The following ETV6 variants were observed in gnomAD, a reference collection of about 807,000 sequenced individuals.
The protein encoded by ETV6 is transcription factor ETV6.
A neutral mutation model predicts 51.1 loss-of-function variants in ETV6; 16 were observed. The observed-to-expected ratio is 0.31, with a 90% CI of 0.21 to 0.48. The LOEUF (loss-of-function observed/expected upper bound fraction) is 0.48. Among genes scored for constraint, ETV6 ranks in the 20% least tolerant of loss-of-function variants. The pLI, the probability that ETV6 is intolerant of heterozygous loss-of-function variation, is 0.99. For missense variants in ETV6, 458 were observed against 594.8 expected (o/e 0.77, Z 2.39); for synonymous variants, 240 against 224.1 (o/e 1.07, Z -0.64).
At chr12:11,866,120 C>T (rs1011311373) in intron 4 of ETV6, among the ~76,000 whole-genome samples, 14 of 152,108 alleles carry the variant, frequency 9.2e-5, no homozygotes, top group African/African-American at 2.2e-4. Flanking sequence ...CTCTCATCTC[C>T]GTTCTGCTAT....
At chr12:11,809,670 C>T (rs185468415) in intron 2 of ETV6, among the ~76,000 whole-genome samples, 61 of 152,222 alleles carry the variant, frequency 4.0e-4, no homozygotes, top group African/African-American at 1.3e-3. Flanking sequence ...ATCCTTTTTT[C>T]GGCTGAGAGG....
chr12:11,885,854 C>T, intron 6 of ETV6, 72 bp from the exon 7 acceptor site: 1 of 1,099,804 alleles, frequency 9.1e-7, no homozygotes, highest in Non-Finnish European at 1.4e-6. Context: ...ATAGCTCCCG[C>T]AGTGCCTTTT....
chr12:11,881,400 G>T (rs1947090875), intron 5 of ETV6, among the ~76,000 whole-genome samples: 1 of 152,234 alleles, frequency 6.6e-6, no homozygotes, highest in African/African-American at 2.4e-5. Flanking sequence ...TCCTTTTGGG[G>T]CTGCTCTGAC....
At chr12:11,866,633 T>C (rs1375160987) in intron 4 of ETV6, among the ~76,000 whole-genome samples, 1 of 152,236 alleles carries the variant, frequency 6.6e-6, no homozygotes, top group Non-Finnish European at 1.5e-5. Context: ...TACTCCTACA[T>C]TGTGGCCATT....
intron 2 of ETV6, among the ~76,000 whole-genome samples, chr12:11,770,577 A>T (rs567635904): frequency 7.2e-5 from 11 of 152,164 alleles, no homozygotes; most frequent in Non-Finnish European, 1.3e-4. Flanking sequence ...TTGTTTTGTT[A>T]GGCCCTTCCT....
Position 11,649,783 on chromosome 12 carries a change from G to C in ETV6, c.-345G>C, listed in dbSNP as rs1863853094. 1 of 145,362 alleles carries C rather than the reference G, an allele frequency of 6.9e-6. No individual in the cohort carries two copies. Among genetic ancestry groups the C allele is most frequent in the Non-Finnish European group, 1.5e-5 (1 of 65,278 alleles). The allele number at this position is 145,362 out of a possible 1,614,324, so 9.0% of individuals were successfully genotyped here. On this transcript the variant is annotated 5_prime_UTR_variant, in exon 1 of 8. Coordinates refer to ENST00000396373, the MANE Select transcript of ETV6 (RefSeq NM_001987.5). ...GGAAAACATTCGAGAGAGCGAGGGA[G>C]AGCCGCGGGAGGGCGGGGGGCGGGG...
intron 2 of ETV6, among the ~76,000 whole-genome samples, chr12:11,758,846 G>A (rs900937008): frequency 6.6e-5 from 10 of 152,150 alleles, no homozygotes; most frequent in South Asian, 2.1e-4. Context: ...TAACAAAGCC[G>A]ACCAGCCACT....
At chr12:11,873,467 A>G (rs1325456258) in intron 5 of ETV6, among the ~76,000 whole-genome samples, 1 of 116,134 alleles carries the variant, frequency 8.6e-6, no homozygotes, top group East Asian at 5.4e-4. Context: ...AAAAGCCTTT[A>G]AATCTCCGTA....
At chr12:11,730,256 G>A (rs951865661) in intron 1 of ETV6, among the ~76,000 whole-genome samples, 1 of 152,200 alleles carries the variant, frequency 6.6e-6, no homozygotes, top group African/African-American at 2.4e-5. Flanking sequence ...GCCTTTGTAG[G>A]CCTCTGGGAT....
chr12:11,775,409 G>T (rs1328448066), intron 2 of ETV6, among the ~76,000 whole-genome samples: 1 of 152,186 alleles, frequency 6.6e-6, no homozygotes, highest in Non-Finnish European at 1.5e-5. Context: ...GAGTGCTGGG[G>T]TTAAACCATA....
chr12:11,675,828 A>G (rs758285296), intron 1 of ETV6, among the ~76,000 whole-genome samples: 4 of 151,966 alleles, frequency 2.6e-5, no homozygotes, highest in Non-Finnish European at 5.9e-5. Context: ...ACAAAAAGGA[A>G]GGAAGGAAAG....
In ETV6 at chr12:11,894,117, A is replaced by G. The variant is rs1486738231; in HGVS notation, c.*3071A>G. Reference sequence around the variant, plus strand: ...CAAACCTTGATGAAGCACCTGCTGGACACTGAGGGACCCAAAGCTCAATCA... The same window carrying G: ...CAAACCTTGATGAAGCACCTGCTGGGCACTGAGGGACCCAAAGCTCAATCA... On this transcript the variant is annotated 3_prime_UTR_variant, in exon 8 of 8. Coordinates refer to ENST00000396373, the MANE Select transcript of ETV6 (RefSeq NM_001987.5). 1.3e-5 allele frequency: 3 copies of G among 230,446 alleles called. No individual in the cohort carries two copies. The allele number at this position is 230,446 out of a possible 1,614,324, so 14.3% of individuals were successfully genotyped here.
intron 2 of ETV6, among the ~76,000 whole-genome samples, chr12:11,800,755 G>A (rs1591683049): frequency 6.6e-6 from 1 of 152,078 alleles, no homozygotes; most frequent in Non-Finnish European, 1.5e-5. Context: ...CCAGAAAGGG[G>A]GACCAGTTAC....
In ETV6 at chr12:11,663,809, T is replaced by G. The variant is rs2541128; in HGVS notation, c.33+13649T>G. On this transcript the variant is annotated intron_variant, in intron 1 of 7. Coordinates refer to ENST00000396373, the MANE Select transcript of ETV6 (RefSeq NM_001987.5). ...TGTGTGTCTTGTCTGTCTTCAGTGG[T>G]GAACTGAAAAAATAAAGTGTTGTTT... is the stretch of plus-strand genomic sequence containing the variant. 4.1e-4 allele frequency among the ~76,000 whole-genome samples: 62 copies of G among 152,002 alleles called. No homozygotes were observed. The South Asian group carries it at 0.013, about 31-fold the overall frequency.
rs146011735 is a variant in ETV6, at chr12:11,757,571, G to C, written c.163+4992G>C. Among the ~76,000 whole-genome samples, 9 of 152,360 alleles carry C rather than the reference G, an allele frequency of 5.9e-5. No individual in the cohort carries two copies. The East Asian group carries it at 1.7e-3, about 29-fold the overall frequency. The stretch of plus-strand genomic sequence containing the variant: ...GCAGGTGCTATTGATTCTGTTTGAT[G>C]AGCTGACCGTGTCTCCGATAGGTCA... On this transcript the variant is annotated intron_variant, in intron 2 of 7. Coordinates refer to ENST00000396373, the MANE Select transcript of ETV6 (RefSeq NM_001987.5).
At chr12:11,725,319 T>C (rs1410466186) in intron 1 of ETV6, among the ~76,000 whole-genome samples, 1 of 152,136 alleles carries the variant, frequency 6.6e-6, no homozygotes, top group African/African-American at 2.4e-5. Context: ...GAAAAGACAC[T>C]GACGAGGACT....
intron 2 of ETV6, chr12:11,768,848 A>G (rs916071145): frequency 6.7e-6 from 3 of 450,538 alleles, no homozygotes; most frequent in African/African-American, 6.0e-5. Flanking sequence ...ACCACATTCC[A>G]GCTACATAAA....
rs1414206955 is a variant in ETV6, at chr12:11,760,870, TTA to T, written c.163+8299_163+8300del. 3.3e-4 allele frequency among the ~76,000 whole-genome samples: 36 copies of T among 109,014 alleles called. No homozygotes were observed. The East Asian group carries it at 4.3e-3, about 13-fold the overall frequency. 71.5% of individuals were successfully genotyped at this position (109,014 alleles called of 152,430 possible). ...GAAGAAATAATGATCACTACTATTA[TTA>T]TATATATGTGTGTGTGTGTGTGTGT... On this transcript the variant is annotated intron_variant, in intron 2 of 7. Coordinates refer to ENST00000396373, the MANE Select transcript of ETV6 (RefSeq NM_001987.5).
In ETV6 at chr12:11,651,002, AT is replaced by A. The variant is rs371679489; in HGVS notation, c.33+843del. Among the ~76,000 whole-genome samples the A allele has an allele frequency of 1.2e-4, 18 of 152,312 alleles. No individual in the cohort carries two copies. In the East Asian group the frequency reaches 3.5e-3, roughly 29 times the overall value. On this transcript the variant is annotated intron_variant, in intron 1 of 7. Transcript: ENST00000396373. The stretch of plus-strand genomic sequence containing the variant: ...CCAGTAGTTGTGTGTATGCATGTCT[AT>A]ATATCTGTAAAGACTGTGGTGCTGC...
Sources: gnomAD v4.1 joint callset for allele counts (sites outside exome capture counted in the v4.1 genomes callset) on GRCh38, gnomAD v4.1.1 for gene constraint, MANE v1.5 for transcripts, NCBI Gene and HGNC (gene_info 2026-07-23, HGNC 2026-07-21) for gene names.